Variants in RPTOR observed in about 807,000 individuals in gnomAD.
RPTOR encodes the protein regulatory associated protein of MTOR complex 1.
Under a neutral mutation model 169.9 loss-of-function variants are expected in RPTOR, and 21 were observed. The observed-to-expected ratio is 0.12, with a 90% CI of 0.09 to 0.18. The LOEUF (loss-of-function observed/expected upper bound fraction) is 0.18, where lower values mean the gene tolerates loss of function less well. Ranked by LOEUF, RPTOR falls within the 10% of genes least tolerant of loss-of-function variation. The pLI is 1.00. For synonymous variants in RPTOR, 732 were observed against 753.2 expected (o/e 0.97, Z 0.46); for missense variants, 1,133 against 1,855.9 (o/e 0.61, Z 7.16).
In RPTOR at chr17:80,948,932, T is replaced by G. The variant is rs57227627; in HGVS notation, c.3266-511T>G. On this transcript the variant is annotated intron_variant, in intron 27 of 33. Transcript: ENST00000306801. ...GCGGAGAGCCCAGACGTCTGCATTG[T>G]CCCTTCAAGTCAAGGCTACTCTCTC... Among the ~76,000 whole-genome samples the G allele has an allele frequency of 6.6e-3, 1,010 of 152,196 alleles. 17 individuals are homozygous for G. The highest frequency in any genetic ancestry group is 0.023 in the African/African-American group (967 of 41,528).
At chr17:80,883,218 C>T (rs561142400) in intron 14 of RPTOR, among the ~76,000 whole-genome samples, 4 of 152,304 alleles carry the variant, frequency 2.6e-5, no homozygotes, top group South Asian at 2.1e-4. Flanking sequence ...CTCCGGGAGG[C>T]GAGCCTGGAG....
At chr17:80,940,104 C>T (rs994428129) in intron 24 of RPTOR, among the ~76,000 whole-genome samples, 2 of 152,192 alleles carry the variant, frequency 1.3e-5, no homozygotes, top group African/African-American at 4.8e-5. Context: ...GAAAGAGGTG[C>T]CTTCATCTGA....
intron 4 of RPTOR, among the ~76,000 whole-genome samples, chr17:80,716,036 A>G (rs926617625): frequency 6.6e-6 from 1 of 152,212 alleles, no homozygotes; most frequent in Non-Finnish European, 1.5e-5. Context: ...ATGCGTGTGC[A>G]AGTATCTTTT....
intron 7 of RPTOR, among the ~76,000 whole-genome samples, chr17:80,797,096 A>G (rs1319531597): frequency 1.3e-5 from 2 of 152,130 alleles, no homozygotes; most frequent in East Asian, 1.9e-4. Context: ...TTAAAGTCTC[A>G]TAAGAAAAGT....
At chr17:80,683,751 A>G (rs1232489149) in intron 3 of RPTOR, among the ~76,000 whole-genome samples, 1 of 151,978 alleles carries the variant, frequency 6.6e-6, no homozygotes, top group Non-Finnish European at 1.5e-5. Context: ...CCACCCTCCA[A>G]GCTCACTCCT....
chr17:80,774,779 C>T (rs2143429866), intron 6 of RPTOR, among the ~76,000 whole-genome samples: 1 of 152,326 alleles, frequency 6.6e-6, no homozygotes, highest in South Asian at 2.1e-4. Context: ...TTCCTGAGGA[C>T]TCGCTGTGTG....
chr17:80,720,458 G>A (rs774510018), intron 4 of RPTOR, among the ~76,000 whole-genome samples: 5 of 152,138 alleles, frequency 3.3e-5, no homozygotes, highest in Admixed American at 6.5e-5. Flanking sequence ...AAGTTTTATG[G>A]TAAACTTGAC....
At chr17:80,872,210 G>T (rs2068059274) in intron 13 of RPTOR, among the ~76,000 whole-genome samples, 1 of 152,238 alleles carries the variant, frequency 6.6e-6, no homozygotes, top group African/African-American at 2.4e-5. Flanking sequence ...CACAGAAGCT[G>T]TCATCAGCGA....
chr17:80,743,975 T>G lies in RPTOR; in HGVS notation c.655-10035T>G, dbSNP rs1339350044. Among the ~76,000 whole-genome samples the G allele has an allele frequency of 1.6e-4, 4 of 25,058 alleles. 1 individual carries two copies. The highest frequency in any genetic ancestry group is 1.3e-3 in the South Asian group (1 of 798). The allele number at this position is 25,058 out of a possible 152,430, so 16.4% of individuals were successfully genotyped here. A position where few individuals can be genotyped will look rare whatever the true frequency, so the allele number is the denominator to read the frequency against. On this transcript the variant is annotated intron_variant, in intron 5 of 33. Coordinates refer to ENST00000306801, the MANE Select transcript of RPTOR (RefSeq NM_020761.3). ...TGGCTACTAGCACAGCCCTGGCTACTAGCACTGTCCTGGTTATGAGCACAG... is the reference window on the plus strand; with the variant it reads ...TGGCTACTAGCACAGCCCTGGCTACGAGCACTGTCCTGGTTATGAGCACAG...
intron 1 of RPTOR, among the ~76,000 whole-genome samples, chr17:80,566,004 C>A (rs2084584211): frequency 1.3e-5 from 2 of 152,228 alleles, no homozygotes; most frequent in South Asian, 4.1e-4. Context: ...TGGAGTCAGA[C>A]AACTTTGATG....
Position 80,845,091 on chromosome 17 carries a change from G to A in RPTOR, c.1213-1382G>A, listed in dbSNP as rs372865766. ...CAGGCCGGACTGCTCCTGCCTGGCC[G>A]CTCAGTTCCGAGACCTTCCAACGGC... On this transcript the variant is annotated intron_variant, in intron 10 of 33. Coordinates refer to ENST00000306801, the MANE Select transcript of RPTOR (RefSeq NM_020761.3). The surrounding 1 kb of genome is among the most constrained non-coding windows in gnomAD (Gnocchi z 5.4). Among the ~76,000 whole-genome samples, 32 of 151,850 alleles carry A rather than the reference G, an allele frequency of 2.1e-4. No homozygotes were observed. In the East Asian group the frequency reaches 4.1e-3, roughly 19 times the overall value.
intron 29 of RPTOR, among the ~76,000 whole-genome samples, chr17:80,958,897 C>T (rs996299283): frequency 1.3e-5 from 2 of 152,234 alleles, no homozygotes; most frequent in African/African-American, 2.4e-5. Context: ...TGAGGGGCAG[C>T]GCCTGAGGTG....
At position 80,838,005 on chromosome 17, in the gene RPTOR, C is replaced by T; in HGVS notation, c.1212+8C>T. 6.2e-7 allele frequency: 1 copy of T among 1,605,084 alleles called. No individual in the cohort carries two copies. The highest frequency in any genetic ancestry group is 8.5e-7 in the Non-Finnish European group (1 of 1,175,376). On this transcript the variant is annotated splice_region_variant and intron_variant, in intron 10 of 33. Transcript: ENST00000306801. Reference sequence around the variant, plus strand: ...GAAGGCACTGCGTTTCGGGTGAGTCCCTCCAAGGGCACCCTGTGCATCCGC... The same window carrying T: ...GAAGGCACTGCGTTTCGGGTGAGTCTCTCCAAGGGCACCCTGTGCATCCGC...
chr17:80,698,079 G>A (rs952639786), intron 3 of RPTOR, among the ~76,000 whole-genome samples: 2 of 122,664 alleles, frequency 1.6e-5, no homozygotes, highest in South Asian at 2.5e-4. Flanking sequence ...GGGTGGGTGC[G>A]GGGCAAGGTG....
chr17:80,743,743 G>A (rs1180056143), intron 5 of RPTOR, among the ~76,000 whole-genome samples: 6 of 139,694 alleles, frequency 4.3e-5, no homozygotes, highest in Admixed American at 1.4e-4. Context: ...CTGGCTACTA[G>A]CAGAGCCCTG....
intron 9 of RPTOR, among the ~76,000 whole-genome samples, chr17:80,824,956 A>C (rs1490972526): frequency 1.3e-5 from 2 of 152,164 alleles, no homozygotes; most frequent in Non-Finnish European, 2.9e-5. Context: ...TGGGGCAGCC[A>C]CATCCCACCT....
rs971928249 is a variant in RPTOR at position 80,695,427 on chromosome 17, G to A, written c.349-12414G>A. On this transcript the variant is annotated intron_variant, in intron 3 of 33. Transcript: ENST00000306801. This position sits in a 1 kb window ranked among gnomAD's most constrained non-coding sequence, Gnocchi z 4.9. ...TGAGACTTAAGTTTCCCATCTCTGG[G>A]CGGGACCTGTGCTCTCTCCCTGTAA... 1.3e-5 allele frequency among the ~76,000 whole-genome samples: 2 copies of A among 152,206 alleles called. No individual in the cohort carries two copies. The highest frequency in any genetic ancestry group is 2.9e-5 in the Non-Finnish European group (2 of 68,032).
intron 25 of RPTOR, among the ~76,000 whole-genome samples, chr17:80,943,361 T>A (rs773708936): frequency 2.0e-5 from 3 of 152,190 alleles, no homozygotes; most frequent in Non-Finnish European, 1.5e-5. Flanking sequence ...CTTTGTCACA[T>A]GACCATGAAA....
At chr17:80,945,865 T>C in intron 26 of RPTOR, 84 bp downstream of exon 26, 2 of 765,936 alleles carry the variant, frequency 2.6e-6, no homozygotes, top group African/African-American at 1.8e-5. Flanking sequence ...ACCACTCCTC[T>C]TCCTTGAAAA....
Sources: allele counts gnomAD v4.1 joint callset (sites outside exome capture counted in the v4.1 genomes callset), GRCh38; gene constraint gnomAD v4.1.1; non-coding constraint Gnocchi (gnomAD v3.1); transcripts MANE v1.5; gene names NCBI Gene and HGNC (gene_info 2026-07-23, HGNC 2026-07-21).